The following CCDC148 variants were observed in gnomAD, a reference collection of about 807,000 sequenced individuals.
CCDC148 encodes the protein coiled-coil domain-containing protein 148.
In CCDC148, 89 loss-of-function variants were observed where a neutral mutation model predicts 85.7. The observed-to-expected ratio is 1.04, with a 90% CI of 0.87 to 1.24. The LOEUF is 1.24. CCDC148 is among the 50% of genes most tolerant of loss of function. The pLI, the probability that CCDC148 is intolerant of heterozygous loss-of-function variation, is 0.00. For missense variants in CCDC148, 692 were observed against 671.7 expected (o/e 1.03, Z -0.33); for synonymous variants, 230 against 213.9 (o/e 1.08, Z -0.66).
At chr2:158,250,996 C>A (rs1473921238) in intron 9 of CCDC148, 84 bp from the exon 10 acceptor site, 13 of 1,223,832 alleles carry the variant, frequency 1.1e-5, no homozygotes, top group Non-Finnish European at 1.5e-5. Flanking sequence ...GGCTCTATAT[C>A]AAGCAGATGT....
intron 9 of CCDC148, among the ~76,000 whole-genome samples, chr2:158,305,620 G>A (rs1402257630): frequency 6.6e-6 from 1 of 152,012 alleles, no homozygotes; most frequent in East Asian, 1.9e-4. Flanking sequence ...CAGGCATAGT[G>A]GTGCATGCCT....
At chr2:158,439,942 C>T (rs188209745) in intron 1 of CCDC148, among the ~76,000 whole-genome samples, 82 of 152,208 alleles carry the variant, frequency 5.4e-4, no homozygotes, top group Non-Finnish European at 2.2e-4. Context: ...CTCAATGTAG[C>T]CTCCACCTCC....
intron 9 of CCDC148, among the ~76,000 whole-genome samples, chr2:158,292,969 C>A (rs1171582509): frequency 6.6e-6 from 1 of 152,060 alleles, no homozygotes; most frequent in Non-Finnish European, 1.5e-5. Context: ...TAAATTAATG[C>A]TGTGTTTATT....
chr2:158,211,242 T>C (rs78091052), intron 11 of CCDC148, among the ~76,000 whole-genome samples: 6,389 of 152,124 alleles, frequency 0.042, 422 homozygotes, highest in African/African-American at 0.14. Context: ...CAAATATCTG[T>C]AGCACTAGTT....
intron 1 of CCDC148, among the ~76,000 whole-genome samples, chr2:158,374,495 A>C (rs1684575581): frequency 6.6e-6 from 1 of 151,964 alleles, no homozygotes; most frequent in Non-Finnish European, 1.5e-5. Context: ...ACAGACTTCA[A>C]ACAATACTAC....
chr2:158,245,121 G>A (rs960493855), intron 10 of CCDC148, among the ~76,000 whole-genome samples: 2 of 152,148 alleles, frequency 1.3e-5, no homozygotes, highest in Non-Finnish European at 2.9e-5. Context: ...CTGTGCAAGA[G>A]CTTCTGGAGT....
At chr2:158,201,547 C>A (rs1166767561) in intron 11 of CCDC148, among the ~76,000 whole-genome samples, 5 of 152,000 alleles carry the variant, frequency 3.3e-5, no homozygotes, top group African/African-American at 1.2e-4. Context: ...GTAGCTGGAA[C>A]TACAGCTATA....
At chr2:158,382,071 C>T (rs1341208004) in intron 1 of CCDC148, among the ~76,000 whole-genome samples, 2 of 151,974 alleles carry the variant, frequency 1.3e-5, no homozygotes, top group Non-Finnish European at 2.9e-5. Context: ...TGTATTTGCC[C>T]CTTCCACCAT....
intron 11 of CCDC148, among the ~76,000 whole-genome samples, chr2:158,198,559 C>T (rs1685792459): frequency 6.6e-6 from 1 of 152,172 alleles, no homozygotes; most frequent in African/African-American, 2.4e-5. Context: ...GATGATTTTA[C>T]ACACACGTCA....
At chr2:158,227,428 A>C (rs1038733258) in intron 10 of CCDC148, among the ~76,000 whole-genome samples, 1 of 152,124 alleles carries the variant, frequency 6.6e-6, no homozygotes, top group Non-Finnish European at 1.5e-5. Context: ...GCTACCAATG[A>C]CTTTCTTCAC....
At chr2:158,421,118 G>A (rs1417827746) in intron 1 of CCDC148, among the ~76,000 whole-genome samples, 1 of 152,094 alleles carries the variant, frequency 6.6e-6, no homozygotes, top group Non-Finnish European at 1.5e-5. Flanking sequence ...AAGAGACTTA[G>A]ACTCCCACAC....
chr2:158,400,336 G>C (rs1685721778), intron 1 of CCDC148, among the ~76,000 whole-genome samples: 1 of 152,108 alleles, frequency 6.6e-6, no homozygotes, highest in African/African-American at 2.4e-5. Flanking sequence ...AACCAAAACA[G>C]CATGGTACTG....
At chr2:158,192,028 AT>A (rs1488626471) in intron 11 of CCDC148, among the ~76,000 whole-genome samples, 1 of 152,092 alleles carries the variant, frequency 6.6e-6, no homozygotes, top group Non-Finnish European at 1.5e-5. Flanking sequence ...AAAGTCAAAG[AT>A]AGTAAAATTA....
chr2:158,352,888 C>A (rs1029496460), intron 2 of CCDC148, among the ~76,000 whole-genome samples: 1 of 151,992 alleles, frequency 6.6e-6, no homozygotes. Context: ...TTGGCAGAAA[C>A]CCTACAAGCC....
chr2:158,271,079 G>A (rs1689677035), intron 9 of CCDC148, among the ~76,000 whole-genome samples: 2 of 152,096 alleles, frequency 1.3e-5, no homozygotes, highest in Non-Finnish European at 2.9e-5. Flanking sequence ...TTGTAACATA[G>A]TGCCTTTGTG....
intron 1 of CCDC148, among the ~76,000 whole-genome samples, chr2:158,414,460 G>A (rs1396723539): frequency 2.0e-5 from 3 of 152,128 alleles, no homozygotes; most frequent in African/African-American, 7.2e-5. Flanking sequence ...GGGGCAAACT[G>A]CAGTGCCCAG....
At chr2:158,203,095 A>C (rs1686051758) in intron 11 of CCDC148, among the ~76,000 whole-genome samples, 2 of 152,182 alleles carry the variant, frequency 1.3e-5, no homozygotes, top group African/African-American at 4.8e-5. Context: ...AGTCATAATG[A>C]AAGTAATGGT....
At position 158,340,235 on chromosome 2, in the gene CCDC148, T is replaced by C. The variant is rs187982685; in HGVS notation, c.486+7A>G. The C allele has an allele frequency of 5.6e-6, 9 of 1,612,974 alleles. No individual in the cohort carries two copies. The Admixed American group carries it at 6.7e-5, about 12-fold the overall frequency. Reference sequence around the variant, plus strand: ...TACATTATGGAAAATAAAGGTAACATACTAACCTCTTCCAATACTTTCATG... The same window carrying C: ...TACATTATGGAAAATAAAGGTAACACACTAACCTCTTCCAATACTTTCATG... On this transcript the variant is annotated splice_region_variant and intron_variant, in intron 5 of 13. Transcript: ENST00000283233.
At position 158,435,124 on chromosome 2, in the gene CCDC148, G is replaced by C. The variant is rs374854084; in HGVS notation, c.25+21291C>G. ...AACATTCAAATTCAGGAAATACAGA[G>C]AATGCCACAAAGATACTCCTCGAGA... is the stretch of plus-strand genomic sequence containing the variant. On this transcript the variant is annotated intron_variant, in intron 1 of 13. Transcript: ENST00000283233. Among the ~76,000 whole-genome samples, 503 of 152,198 alleles carry C rather than the reference G, an allele frequency of 3.3e-3. 4 individuals carry two copies. Among genetic ancestry groups the C allele is most frequent in the African/African-American group, 0.011 (462 of 41,526 alleles).
Sources: allele counts gnomAD v4.1 joint callset (sites outside exome capture counted in the v4.1 genomes callset), GRCh38; gene constraint gnomAD v4.1.1; transcripts MANE v1.5; gene names NCBI Gene and HGNC (gene_info 2026-07-23, HGNC 2026-07-21).